Variants in KLHL32 observed in about 807,000 individuals in gnomAD.
KLHL32 encodes kelch like family member 32, also known as kelch-like protein 32.
Under a neutral mutation model 64.8 loss-of-function variants are expected in KLHL32, and 35 were observed. That is an observed-to-expected ratio of 0.54 (90% CI 0.41 to 0.72). KLHL32 has a LOEUF of 0.72. KLHL32 is among the 30% of genes least tolerant of loss of function. The pLI is 0.00. For missense variants in KLHL32, 589 were observed against 768.5 expected (o/e 0.77, Z 2.76); for synonymous variants, 259 against 281.0 (o/e 0.92, Z 0.78).
chr6:97,020,031 C>T (rs193035060), intron 3 of KLHL32, among the ~76,000 whole-genome samples: 132 of 151,266 alleles, frequency 8.7e-4, no homozygotes, highest in African/African-American at 3.1e-3. Context: ...CAACCTCTGC[C>T]TCCTGGGTTC....
chr6:96,923,446 G>T (rs1768826144), upstream of KLHL32, among the ~76,000 whole-genome samples: 1 of 152,148 alleles, frequency 6.6e-6, no homozygotes, highest in South Asian at 2.1e-4. Context: ...TCTTTCCCTT[G>T]TCCTATGCTG....
At chr6:97,091,030 C>A (rs1050879287) in intron 6 of KLHL32, among the ~76,000 whole-genome samples, 1 of 152,182 alleles carries the variant, frequency 6.6e-6, no homozygotes, top group Admixed American at 6.5e-5. Context: ...TTGAGACCAG[C>A]CTGTGCAACA....
At chr6:97,067,792 G>A (rs981483865) in intron 5 of KLHL32, among the ~76,000 whole-genome samples, 1 of 152,128 alleles carries the variant, frequency 6.6e-6, no homozygotes, top group Non-Finnish European at 1.5e-5. Context: ...AAAGTCTTTA[G>A]CCTCATCTTC....
intron 6 of KLHL32, among the ~76,000 whole-genome samples, chr6:97,094,674 G>T (rs1209304805): frequency 1.3e-5 from 2 of 152,014 alleles, no homozygotes; most frequent in Non-Finnish European, 2.9e-5. Context: ...CAAATTCAGG[G>T]AAAAAAAGTC....
intron 3 of KLHL32, among the ~76,000 whole-genome samples, chr6:97,018,480 C>G (rs1781538230): frequency 6.6e-6 from 1 of 150,650 alleles, no homozygotes; most frequent in Admixed American, 6.6e-5. Context: ...GTGATCCCAG[C>G]TGCTCAGGAG....
intron 2 of KLHL32, among the ~76,000 whole-genome samples, chr6:96,969,930 T>C (rs1774926464): frequency 6.6e-6 from 1 of 152,226 alleles, no homozygotes; most frequent in Admixed American, 6.5e-5. Flanking sequence ...AAATTCATCA[T>C]CATTCTCTTC....
intron 4 of KLHL32, chr6:97,062,247 C>T (rs1374394049): frequency 2.6e-5 from 4 of 152,282 alleles, no homozygotes; most frequent in Middle Eastern, 6.8e-3. Context: ...ATCATAAATA[C>T]CAGTTGTGTG....
At chr6:96,988,593 C>G (rs544172404) in intron 3 of KLHL32, among the ~76,000 whole-genome samples, 3 of 152,308 alleles carry the variant, frequency 2.0e-5, no homozygotes, top group African/African-American at 7.2e-5. Flanking sequence ...ACCCAGCCAT[C>G]CCATTACTGG....
intron 1 of KLHL32, among the ~76,000 whole-genome samples, chr6:96,948,556 A>G (rs957824836): frequency 6.6e-6 from 1 of 152,114 alleles, no homozygotes; most frequent in Non-Finnish European, 1.5e-5. Flanking sequence ...CTGTTTCTTC[A>G]TGAAATAAAC....
At chr6:96,920,872 C>T (rs1768732561), upstream of KLHL32, among the ~76,000 whole-genome samples, 1 of 151,980 alleles carries the variant, frequency 6.6e-6, no homozygotes, top group African/African-American at 2.4e-5. Flanking sequence ...AGTCTTTGAA[C>T]TTTTGTTTGA....
intron 3 of KLHL32, among the ~76,000 whole-genome samples, chr6:97,001,676 C>G (rs1779050977): frequency 6.6e-6 from 1 of 152,126 alleles, no homozygotes; most frequent in African/African-American, 2.4e-5. Context: ...CCCTATATTG[C>G]CCAATACTGA....
At chr6:97,071,842 C>T (rs936463094) in intron 5 of KLHL32, among the ~76,000 whole-genome samples, 2 of 152,204 alleles carry the variant, frequency 1.3e-5, no homozygotes, top group African/African-American at 4.8e-5. Flanking sequence ...CCTGCAATAA[C>T]TCAGCTGCGC....
intron 3 of KLHL32, among the ~76,000 whole-genome samples, chr6:97,038,696 AATATATCT>A (rs1282592665): frequency 4.6e-5 from 7 of 151,882 alleles, no homozygotes; most frequent in South Asian, 2.1e-4. Flanking sequence ...TATATATATA[AATATATCT>A]ATATATCTAT....
intron 7 of KLHL32, among the ~76,000 whole-genome samples, chr6:97,115,978 C>A (rs1474276457): frequency 8.5e-6 from 1 of 117,952 alleles, no homozygotes; most frequent in Non-Finnish European, 1.7e-5. Context: ...TCTTTAAATT[C>A]ATTTGGACTT....
intron 10 of KLHL32, among the ~76,000 whole-genome samples, 165 bp downstream of exon 10, chr6:97,132,912 A>G (rs1799599852): frequency 2.0e-5 from 3 of 152,238 alleles, no homozygotes; most frequent in Non-Finnish European, 4.4e-5. Context: ...TATCCTAAAA[A>G]TGATGCCTAA....
In KLHL32 at chr6:97,114,132, G is replaced by A. The variant is rs1260931739; in HGVS notation, c.977G>A (p.Trp326Ter). Residue 326 changes from tryptophan to a stop codon, truncating the protein, a stop_gained, in exon 7 of 11, where the codon TGG (tryptophan) becomes TAG (stop). Transcript: ENST00000369261. LOFTEE classifies it high-confidence loss of function. Reference sequence around the variant, plus strand: ...GCTCTCATAGCTGCCATTGCCAACTGGAGTGAGCTGGCTCCCATGCCTGTG... The same window carrying A: ...GCTCTCATAGCTGCCATTGCCAACTAGAGTGAGCTGGCTCCCATGCCTGTG... ...ENALIAAIAN[W>*]SELAPMPVGR... The A allele has an allele frequency of 6.2e-7, 1 of 1,614,210 alleles. No homozygotes were observed. Among genetic ancestry groups the A allele is most frequent in the Admixed American group, 1.7e-5 (1 of 60,022 alleles).
intron 6 of KLHL32, among the ~76,000 whole-genome samples, chr6:97,106,530 G>A (rs1291465428): frequency 6.6e-6 from 1 of 152,022 alleles, no homozygotes; most frequent in African/African-American, 2.4e-5. Flanking sequence ...ATCATTTGAG[G>A]TCGGTAGTTT....
chr6:97,041,403 CT>C (rs1024297547), intron 3 of KLHL32, 88 bp from the exon 4 acceptor site: 58 of 791,290 alleles, frequency 7.3e-5, no homozygotes, highest in Middle Eastern at 4.7e-4. Context: ...ATTTGTAAAA[CT>C]TTTTTTTCCC....
intron 3 of KLHL32, among the ~76,000 whole-genome samples, chr6:97,020,555 A>G (rs1027110219): frequency 6.6e-6 from 1 of 150,914 alleles, no homozygotes; most frequent in African/African-American, 2.5e-5. Context: ...GCTGATTCCT[A>G]TATTACATAA....
Sources: allele counts gnomAD v4.1 joint callset (sites outside exome capture counted in the v4.1 genomes callset), GRCh38; gene constraint gnomAD v4.1.1; transcripts MANE v1.5; gene names NCBI Gene and HGNC (gene_info 2026-07-23, HGNC 2026-07-21).